XIRP2: variants seen among roughly 807,000 people sequenced by gnomAD.
The protein encoded by XIRP2 is xin actin binding repeat containing 2, also known as xin actin-binding repeat-containing protein 2.
XIRP2 carries 236 observed loss-of-function variants against 277.0 expected under a neutral mutation model. That is an observed-to-expected ratio of 0.85 (90% CI 0.77 to 0.95). The LOEUF is 0.95. XIRP2 is among the 40% of genes least tolerant of loss of function. The pLI is 0.00. For missense variants in XIRP2, 4,640 were observed against 4,157.5 expected, an observed-to-expected ratio of 1.12 and a Z score of -3.19; for synonymous variants, 1,490 against 1,416.5, an observed-to-expected ratio of 1.05 and a Z score of -1.17.
intron 3 of XIRP2, among the ~76,000 whole-genome samples, chr2:167,145,774 T>C (rs779564725): frequency 2.0e-5 from 3 of 152,164 alleles, no homozygotes; most frequent in Non-Finnish European, 4.4e-5. Flanking sequence ...AACTTAAGGC[T>C]GTTGTAGATT....
At chr2:167,202,519 G>A (rs1407448496) in intron 3 of XIRP2, among the ~76,000 whole-genome samples, 1 of 151,784 alleles carries the variant, frequency 6.6e-6, no homozygotes, top group African/African-American at 2.4e-5. Flanking sequence ...GACACTTAGA[G>A]TCTTATCAGG....
At position 167,254,173 on chromosome 2, in the gene XIRP2, G is replaced by A. The variant is rs1237347576; in HGVS notation, c.*39+8G>A. On this transcript the variant is annotated splice_region_variant and intron_variant, in intron 10 of 10. Coordinates refer to ENST00000409195, the MANE Select transcript of XIRP2 (RefSeq NM_152381.6). ...TTGCAACAGTAAACTAAGGTAAAAT[G>A]TTTAATTGTCTTTGCCACAAATATT... is the stretch of plus-strand genomic sequence containing the variant. 8 of 1,606,472 alleles carry A rather than the reference G, an allele frequency of 5.0e-6. No individual in the cohort carries two copies. The highest frequency in any genetic ancestry group is 6.8e-6 in the Non-Finnish European group (8 of 1,176,320).
chr2:167,159,666 AT>A (rs1011647739), intron 3 of XIRP2, among the ~76,000 whole-genome samples: 1 of 151,170 alleles, frequency 6.6e-6, no homozygotes, highest in Non-Finnish European at 1.5e-5. Context: ...CTGTATCTAT[AT>A]TTCTTCATTA....
At chr2:167,179,506 G>C (rs1256769280) in intron 3 of XIRP2, among the ~76,000 whole-genome samples, 1 of 151,882 alleles carries the variant, frequency 6.6e-6, no homozygotes, top group East Asian at 1.9e-4. Context: ...ATCTTTAGTA[G>C]TGACAGGGTT....
At chr2:167,241,637 T>C (rs1245796073) in intron 7 of XIRP2, 140 bp from the exon 8 acceptor site, 22 of 917,658 alleles carry the variant, frequency 2.4e-5, no homozygotes, top group East Asian at 2.0e-4. Context: ...CTCACACCCT[T>C]GGGCTCAAGT....
chr2:166,932,688 T>C (rs1362808505), intron 2 of XIRP2, among the ~76,000 whole-genome samples: 1 of 152,216 alleles, frequency 6.6e-6, no homozygotes, highest in African/African-American at 2.4e-5. Context: ...TTAGTTCTGG[T>C]AGTTCAATTT....
intron 2 of XIRP2, among the ~76,000 whole-genome samples, chr2:166,961,796 A>G (rs1329782795): frequency 6.6e-6 from 1 of 151,814 alleles, no homozygotes; most frequent in African/African-American, 2.4e-5. Flanking sequence ...AATGTGTAAA[A>G]TATATACTTT....
chr2:167,024,367 G>A (rs1406657021), intron 2 of XIRP2, among the ~76,000 whole-genome samples: 1 of 152,066 alleles, frequency 6.6e-6, no homozygotes, highest in Non-Finnish European at 1.5e-5. Context: ...AGATGATGGA[G>A]TTTTCTAGAT....
chr2:166,893,217 G>T (rs1260819965), intron 1 of XIRP2, among the ~76,000 whole-genome samples: 2 of 151,874 alleles, frequency 1.3e-5, no homozygotes, highest in Non-Finnish European at 2.9e-5. Flanking sequence ...AAATATTCCA[G>T]AAAAATCCAT....
At chr2:167,201,846 T>C (rs766396249) in intron 3 of XIRP2, among the ~76,000 whole-genome samples, 9 of 152,172 alleles carry the variant, frequency 5.9e-5, no homozygotes, top group Non-Finnish European at 1.3e-4. Context: ...ATGTTATATT[T>C]TAATGAAAAT....
intron 2 of XIRP2, among the ~76,000 whole-genome samples, chr2:167,049,325 G>A (rs1688862024): frequency 6.6e-6 from 1 of 151,068 alleles, no homozygotes; most frequent in African/African-American, 2.4e-5. Context: ...TCCATATTTA[G>A]TTTACTAGCA....
intron 3 of XIRP2, among the ~76,000 whole-genome samples, chr2:167,152,086 T>G (rs988218776): frequency 5.9e-5 from 9 of 152,132 alleles, no homozygotes; most frequent in African/African-American, 2.2e-4. Flanking sequence ...GTCCCAACTG[T>G]GTACTTGTGT....
At chr2:167,107,897 T>G (rs184603398) in intron 2 of XIRP2, among the ~76,000 whole-genome samples, 1 of 151,910 alleles carries the variant, frequency 6.6e-6, no homozygotes, top group East Asian at 1.9e-4. Context: ...AGATTATAAA[T>G]GTGATTTCCT....
At chr2:167,199,897 C>T (rs1032595208) in intron 3 of XIRP2, among the ~76,000 whole-genome samples, 1 of 151,276 alleles carries the variant, frequency 6.6e-6, no homozygotes, top group African/African-American at 2.4e-5. Flanking sequence ...ACAAATGAAG[C>T]GGTAGGAATG....
intron 2 of XIRP2, among the ~76,000 whole-genome samples, chr2:167,002,739 A>G (rs1211510280): frequency 6.6e-6 from 1 of 151,986 alleles, no homozygotes; most frequent in African/African-American, 2.4e-5. Flanking sequence ...ATCCAGTTTA[A>G]TGTCTTAAAC....
chr2:167,169,285 G>GAA (rs1307916160), intron 3 of XIRP2, among the ~76,000 whole-genome samples: 3 of 149,568 alleles, frequency 2.0e-5, no homozygotes, highest in Non-Finnish European at 4.5e-5. Context: ...TTGTTGTGAA[G>GAA]ACCAGGTAGT....
intron 3 of XIRP2, among the ~76,000 whole-genome samples, chr2:167,199,955 A>G (rs1213340689): frequency 1.3e-5 from 2 of 152,226 alleles, no homozygotes; most frequent in Non-Finnish European, 1.5e-5. Context: ...AAGTTATGTC[A>G]AAGAGGTAGC....
intron 9 of XIRP2, 119 bp downstream of exon 9, chr2:167,252,066 C>T (rs983487225): frequency 7.0e-7 from 1 of 1,426,834 alleles, no homozygotes; most frequent in Non-Finnish European, 9.2e-7. Flanking sequence ...TAACCTAAAA[C>T]TAACAGCTTC....
intron 2 of XIRP2, among the ~76,000 whole-genome samples, chr2:167,030,625 T>G (rs2105503636): frequency 6.6e-6 from 1 of 152,250 alleles, no homozygotes; most frequent in Non-Finnish European, 1.5e-5. Flanking sequence ...GTGTTTTACT[T>G]TGACTTATGT....
Sources: allele counts gnomAD v4.1 joint callset (sites outside exome capture counted in the v4.1 genomes callset), GRCh38; gene constraint gnomAD v4.1.1; transcripts MANE v1.5; gene names NCBI Gene and HGNC (gene_info 2026-07-23, HGNC 2026-07-21).